Variants in ITGAL observed in about 807,000 individuals in gnomAD.
ITGAL encodes integrin alpha-L.
ITGAL carries 68 observed loss-of-function variants against 138.4 expected under a neutral mutation model. The ratio of observed to expected loss-of-function variants is 0.49; its 90% CI spans 0.40 to 0.60. The LOEUF is 0.60. Among genes scored for constraint, ITGAL ranks in the 20% least tolerant of loss-of-function variants. The pLI, the probability that ITGAL is intolerant of heterozygous loss-of-function variation, is 0.00. For missense variants in ITGAL, 1,256 were observed against 1,478.6 expected (o/e 0.85, Z 2.47); for synonymous variants, 561 against 584.3 (o/e 0.96, Z 0.57).
chr16:30,484,019 C>G, intron 8 of ITGAL, 60 bp downstream of exon 8: 1 of 1,595,968 alleles, frequency 6.3e-7, no homozygotes, highest in Non-Finnish European at 8.6e-7. Context: ...AACCCCAAGC[C>G]CCTTTCTCCC....
At chr16:30,499,731 A>ATTT (rs1391197801) in intron 17 of ITGAL, among the ~76,000 whole-genome samples, 6 of 96,680 alleles carry the variant, frequency 6.2e-5, no homozygotes, top group Admixed American at 2.3e-4. Flanking sequence ...ATATATATAT[A>ATTT]TATTTTTTTT....
chr16:30,488,556 T>C (rs952515970), intron 9 of ITGAL, among the ~76,000 whole-genome samples: 2 of 151,184 alleles, frequency 1.3e-5, no homozygotes, highest in African/African-American at 4.9e-5. Context: ...AATACAAAAA[T>C]TAGCTGGGCA....
chr16:30,496,612 C>A, intron 15 of ITGAL, 46 bp downstream of exon 15: 4 of 1,513,252 alleles, frequency 2.6e-6, no homozygotes, highest in Admixed American at 2.4e-5. Flanking sequence ...CAGCTCTTAT[C>A]CTGTTTTGTT....
rs184465442 is a variant in ITGAL, at chr16:30,520,625, G to T, written c.3339+658G>T. The stretch of plus-strand genomic sequence containing the variant: ...CAAACATGCTCCCTGCCATTGTGGC[G>T]CTCACAGTCTAAGAGAGGACACAGG... On this transcript the variant is annotated intron_variant, in intron 30 of 30. Transcript: ENST00000356798. Among the ~76,000 whole-genome samples, 14 of 152,284 alleles carry T rather than the reference G, an allele frequency of 9.2e-5. No individual in the cohort carries two copies. In the East Asian group the frequency reaches 2.7e-3, roughly 29 times the overall value.
chr16:30,517,495 G>A (rs568718469), intron 26 of ITGAL, among the ~76,000 whole-genome samples, 154 bp from the exon 27 acceptor site: 9 of 152,190 alleles, frequency 5.9e-5, no homozygotes, highest in Admixed American at 2.6e-4. Flanking sequence ...AAGGCTGGGT[G>A]TATGGAGAGT....
chr16:30,475,655 A>C, intron 4 of ITGAL, 75 bp downstream of exon 4: 1 of 1,218,474 alleles, frequency 8.2e-7, no homozygotes, highest in South Asian at 1.2e-5. Context: ...AAAGAAGAAG[A>C]ATGTGGATAA....
intron 17 of ITGAL, 139 bp downstream of exon 17, chr16:30,499,628 C>T: frequency 1.7e-6 from 1 of 590,828 alleles, no homozygotes; most frequent in Non-Finnish European, 2.8e-6. Flanking sequence ...AGTAATAACA[C>T]CCTTAGCATA....
chr16:30,481,160 ACACACACACACACACACACACAC>A, intron 6 of ITGAL: 1 of 353,698 alleles, frequency 2.8e-6, no homozygotes, highest in South Asian at 2.7e-5. Context: ...ACACACACAC[ACACACACACACACACACACACAC>A]CACACACACA....
chr16:30,495,250 C>T (rs1056954994), intron 13 of ITGAL, among the ~76,000 whole-genome samples: 2 of 152,198 alleles, frequency 1.3e-5, no homozygotes, highest in African/African-American at 4.8e-5. Context: ...GTCTCGAACT[C>T]CTGACCTCAG....
intron 29 of ITGAL, 158 bp from the exon 30 acceptor site, chr16:30,519,699 T>C: frequency 1.5e-6 from 1 of 658,826 alleles, no homozygotes; most frequent in Non-Finnish European, 2.8e-6. Flanking sequence ...TGGCAGCGAC[T>C]GCAATAGGTG....
Position 30,518,737 on chromosome 16 carries a change from G to T in ITGAL, c.3228+18G>T, listed in dbSNP as rs776650539. ...TGGCCCAGGTATCTCCACCTCCTTG[G>T]AAGCCCCAGGAACAGGCAACAGAGG... is the stretch of plus-strand genomic sequence containing the variant. On this transcript the variant is annotated intron_variant, in intron 29 of 30. Coordinates refer to ENST00000356798, the MANE Select transcript of ITGAL (RefSeq NM_002209.3). The T allele has an allele frequency of 3.8e-6, 6 of 1,576,920 alleles. No individual in the cohort carries two copies. The South Asian group carries it at 6.6e-5, about 17-fold the overall frequency.
At chr16:30,476,837 T>C (rs1045340382) in intron 4 of ITGAL, among the ~76,000 whole-genome samples, 1 of 152,198 alleles carries the variant, frequency 6.6e-6, no homozygotes, top group Non-Finnish European at 1.5e-5. Flanking sequence ...TTTCGCCATG[T>C]TGGCCAGGCT....
Position 30,478,331 on chromosome 16 carries a change from CA to C in ITGAL, c.328-748del, listed in dbSNP as rs1219068809. Among the ~76,000 whole-genome samples the C allele has an allele frequency of 3.1e-3, 272 of 86,436 alleles. 1 individual carries two copies. The highest frequency in any genetic ancestry group is 3.3e-3 in the Non-Finnish European group (144 of 44,182). 56.7% of individuals were successfully genotyped at this position (86,436 alleles called of 152,430 possible). A position where few individuals can be genotyped will look rare whatever the true frequency, so the allele number is the denominator to read the frequency against. On this transcript the variant is annotated intron_variant, in intron 4 of 30. Transcript: ENST00000356798. ...ACTGGGTGACAAAGCGAGACTCCGT[CA>C]AAAAAAAAAAAGAAAGAAAGAAAAA...
Position 30,506,752 on chromosome 16 carries a change from T to A in ITGAL, c.2404T>A (p.Ser802Thr). The change falls in exon 21 of 31, where the codon TCT (serine) becomes ACT (threonine). Residue 802 changes from serine to threonine, a missense_variant. By Grantham distance (58) the Ser-to-Thr change is moderately conservative. Transcript: ENST00000356798. ...ALRLTAFASL[S>T]VELSLSNLEE... ...GCGTCTAACTGCTTTTGCCAGCCTC[T>A]CTGTGGAGCTGAGCCTGAGTAACTT... 6.2e-7 allele frequency: 1 copy of A among 1,613,884 alleles called. No homozygotes were observed. The highest frequency in any genetic ancestry group is 1.1e-5 in the South Asian group (1 of 91,076).
chr16:30,501,135 C>G, intron 17 of ITGAL, among the ~76,000 whole-genome samples: 1 of 152,064 alleles, frequency 6.6e-6, no homozygotes, highest in East Asian at 1.9e-4. Context: ...CATGAGCCAC[C>G]GTGCCCAGCA....
Position 30,513,236 on chromosome 16 carries a change from G to A in ITGAL, c.2787-535G>A, listed in dbSNP as rs185990400. On this transcript the variant is annotated intron_variant, in intron 24 of 30. Coordinates refer to ENST00000356798, the MANE Select transcript of ITGAL (RefSeq NM_002209.3). The stretch of plus-strand genomic sequence containing the variant: ...GGGAGGAAGCAGTGGGGCATACCTG[G>A]GGGACAGGGATTGGGCAGGATTAGC... Among the ~76,000 whole-genome samples, 126 of 152,204 alleles carry A rather than the reference G, an allele frequency of 8.3e-4. 1 individual carries two copies. Among genetic ancestry groups the A allele is most frequent in the Non-Finnish European group, 1.6e-3 (110 of 68,034 alleles).
Position 30,516,973 on chromosome 16 carries a change from G to A in ITGAL, c.2863G>A (p.Val955Met), listed in dbSNP as rs1234822790. The change falls in exon 26 of 31, where the codon GTG becomes ATG. Residue 955 changes from valine to methionine, a missense_variant and splice_region_variant. By Grantham distance (21) the Val-to-Met change is conservative. Transcript: ENST00000356798. ...KIHQVKHMYQ[V>M]RIQPSIHDHN... ...CTGCATCCCTTGTCCTCTGTGCCAG[G>A]TGAGGATCCAGCCTTCCATCCACGA... 1 of 1,609,698 alleles carries A rather than the reference G, an allele frequency of 6.2e-7. No individual in the cohort carries two copies. Among genetic ancestry groups the A allele is most frequent in the Non-Finnish European group, 8.5e-7 (1 of 1,176,214 alleles).
chr16:30,521,457 A>G, intron 30 of ITGAL, 35 bp from the exon 31 acceptor site: 1 of 1,591,728 alleles, frequency 6.3e-7, no homozygotes. Context: ...GTGCTCAGTG[A>G]ATTCTTTGCT....
chr16:30,521,453 A>G (rs756606672), intron 30 of ITGAL, 39 bp from the exon 31 acceptor site: 5 of 1,582,104 alleles, frequency 3.2e-6, no homozygotes, highest in East Asian at 2.2e-5. Context: ...CAAAGTGCTC[A>G]GTGAATTCTT....
Sources: gnomAD v4.1 joint callset for allele counts (sites outside exome capture counted in the v4.1 genomes callset) on GRCh38, gnomAD v4.1.1 for gene constraint, MANE v1.5 for transcripts, NCBI Gene and HGNC (gene_info 2026-07-23, HGNC 2026-07-21) for gene names.